The following ITIH1 variants were observed in gnomAD, a reference collection of about 807,000 sequenced individuals.
ITIH1 encodes the protein inter-alpha-trypsin inhibitor heavy chain H1.
In ITIH1, 94 loss-of-function variants were observed where a neutral mutation model predicts 104.6. That is an observed-to-expected ratio of 0.90 (90% CI 0.76 to 1.07). The LOEUF (loss-of-function observed/expected upper bound fraction) is 1.07, where lower values mean the gene tolerates loss of function less well. Among genes scored for constraint, ITIH1 ranks in the 50% least tolerant of loss-of-function variants. The probability of loss-of-function intolerance (pLI) is 0.00; values close to 1 mark genes in which losing one functional copy is unlikely to be tolerated. For missense variants in ITIH1, 1,193 were observed against 1,181.4 expected, an observed-to-expected ratio of 1.01 and a Z score of -0.14; for synonymous variants, 455 against 464.4, an observed-to-expected ratio of 0.98 and a Z score of 0.26.
Position 52,784,477 on chromosome 3 carries a change from G to C in ITIH1, c.1407G>C (p.Gln469His). The change falls in exon 11 of 22, where the codon CAG becomes CAC. Residue 469 changes from glutamine (Q) to histidine (H), a missense_variant and splice_region_variant. Gln to His is a conservative substitution (Grantham distance 24, BLOSUM62 0). Coordinates refer to ENST00000273283, the MANE Select transcript of ITIH1 (RefSeq NM_002215.4). Reference protein sequence around the residue: ...YEDHDATQQLQGFYSQVAKPL... With the variant: ...YEDHDATQQLHGFYSQVAKPL... The stretch of plus-strand genomic sequence containing the variant: ...ACCATGATGCCACCCAGCAGCTGCA[G>C]GTCTCCCCTCACAACCCCCTGTACC... 6.2e-7 allele frequency: 1 copy of C among 1,613,618 alleles called. No homozygotes were observed. The highest frequency in any genetic ancestry group is 8.5e-7 in the Non-Finnish European group (1 of 1,179,694).
chr3:52,782,071 C>A lies in ITIH1; in HGVS notation c.813+6C>A, dbSNP rs1559461937. The A allele has an allele frequency of 1.9e-6, 3 of 1,614,176 alleles. No individual in the cohort carries two copies. The highest frequency in any genetic ancestry group is 1.3e-5 in the African/African-American group (1 of 75,040). On this transcript the variant is annotated splice_donor_region_variant and intron_variant, in intron 7 of 21. Coordinates refer to ENST00000273283, the MANE Select transcript of ITIH1 (RefSeq NM_002215.4). ...ACAAGATCTGCGACCTCCTGGTGAG[C>A]CCTGAGCTTCTGGCTCAGCACCCAG...
chr3:52,782,018 T>C lies in ITIH1; in HGVS notation c.766T>C (p.Phe256Leu). Reference sequence around the variant, plus strand: ...CTCTACATCCTTACTGAACGGGCACTTCAAGGTGACCTACGATGTCAGTCG... The same window carrying C: ...CTCTACATCCTTACTGAACGGGCACCTCAAGGTGACCTACGATGTCAGTCG... ...TCSTSLLNGH[F>L]KVTYDVSRDK... is the part of the protein sequence containing the mutation. Residue 256 changes from phenylalanine (F) to leucine (L), a missense_variant, in exon 7 of 22, where the codon TTC becomes CTC. By Grantham distance (22) the Phe-to-Leu change is conservative (BLOSUM62 0). Coordinates refer to ENST00000273283, the MANE Select transcript of ITIH1 (RefSeq NM_002215.4). 4 of 1,614,064 alleles carry C rather than the reference T, an allele frequency of 2.5e-6. No homozygotes were observed. The highest frequency in any genetic ancestry group is 2.5e-6 in the Non-Finnish European group (3 of 1,180,020).
In ITIH1 at chr3:52,790,779, C is replaced by A. The variant is rs1458557063; in HGVS notation, c.2352C>A (p.Asn784Lys). The A allele has an allele frequency of 1.9e-6, 3 of 1,612,862 alleles. No homozygotes were observed. Among genetic ancestry groups the A allele is most frequent in the Non-Finnish European group, 2.5e-6 (3 of 1,179,564 alleles). Reference sequence around the variant, plus strand: ...TGGTGACCATCAACAAGAAGAGGAACCTGGTGGTGTCTGTGGACGACGGTG... The same window carrying A: ...TGGTGACCATCAACAAGAAGAGGAAACTGGTGGTGTCTGTGGACGACGGTG... ...GVVVTINKKR[N>K]LVVSVDDGGT... is the part of the protein sequence containing the mutation. The change falls in exon 20 of 22, where the codon AAC becomes AAA. Residue 784 changes from asparagine (N) to lysine (K), a missense_variant. Asn to Lys is a moderately conservative substitution (Grantham distance 94). Transcript: ENST00000273283.
At chr3:52,790,035 T>C in intron 19 of ITIH1, 181 bp downstream of exon 19, 1 of 633,010 alleles carries the variant, frequency 1.6e-6, no homozygotes, top group Non-Finnish European at 2.8e-6. Context: ...ACTGGATATG[T>C]CCTCTGGGCC....
chr3:52,788,166 C>A, intron 17 of ITIH1, 66 bp from the exon 18 acceptor site: 1 of 1,518,290 alleles, frequency 6.6e-7, no homozygotes, highest in Non-Finnish European at 9.1e-7. Context: ...CCTAGCTGAA[C>A]CCCAACCCCT....
At chr3:52,784,192 T>C (rs949879909) in intron 10 of ITIH1, 104 bp from the exon 11 acceptor site, 1 of 1,014,398 alleles carries the variant, frequency 9.9e-7, no homozygotes, top group African/African-American at 1.6e-5. Flanking sequence ...GGAGATGCTC[T>C]GAGATGGAAG....
At position 52,777,714 on chromosome 3, in the gene ITIH1, C is replaced by G; in HGVS notation, c.99C>G (p.Gly33=). ...TGCCTGCCCTGGGCTCGGCTACAGGCAGGTCCAAGAGCAGCGAGGTATATG... is the reference window on the plus strand; with the variant it reads ...TGCCTGCCCTGGGCTCGGCTACAGGGAGGTCCAAGAGCAGCGAGGTATATG... ...QAMPALGSAT[G]RSKSSEKRQA... The change falls in exon 1 of 22, where the codon GGC becomes GGG. Residue 33 remains glycine (G), a synonymous_variant. Coordinates refer to ENST00000273283, the MANE Select transcript of ITIH1 (RefSeq NM_002215.4). 6.3e-7 allele frequency: 1 copy of G among 1,593,024 alleles called. No homozygotes were observed. The highest frequency in any genetic ancestry group is 2.2e-5 in the East Asian group (1 of 44,752).
At chr3:52,780,953 C>G (rs906588103) in intron 6 of ITIH1, among the ~76,000 whole-genome samples, 1 of 152,222 alleles carries the variant, frequency 6.6e-6, no homozygotes, top group Non-Finnish European at 1.5e-5. Flanking sequence ...GAGCCAGGAA[C>G]AAATCCTTTA....
At chr3:52,791,463 G>C (rs1699353561) in intron 20 of ITIH1, 54 bp from the exon 21 acceptor site, 2 of 1,448,518 alleles carry the variant, frequency 1.4e-6, no homozygotes, top group South Asian at 1.1e-5. Flanking sequence ...GCTGAGTGCA[G>C]GGCAGGAGCA....
intron 6 of ITIH1, 126 bp from the exon 7 acceptor site, chr3:52,781,814 C>T (rs892395765): frequency 1.6e-5 from 20 of 1,248,590 alleles, no homozygotes; most frequent in African/African-American, 2.9e-5. Flanking sequence ...AGTGGCCCAC[C>T]GAACTCGTTT....
At chr3:52,790,093 A>C in intron 19 of ITIH1, 1 of 557,426 alleles carries the variant, frequency 1.8e-6, no homozygotes, top group Non-Finnish European at 3.2e-6. Flanking sequence ...TCTGAATGCC[A>C]CCCCTGTCTC....
chr3:52,780,029 AG>A, intron 5 of ITIH1: 1 of 1,313,854 alleles, frequency 7.6e-7, no homozygotes, highest in South Asian at 1.6e-5. Context: ...CCCTGTGATC[AG>A]GGCTGGGTGG....
At chr3:52,781,276 TC>T (rs1699048861) in intron 6 of ITIH1, among the ~76,000 whole-genome samples, 2 of 126,022 alleles carry the variant, frequency 1.6e-5, no homozygotes, top group Admixed American at 8.4e-5. Flanking sequence ...TTCTTCTTCT[TC>T]TTCTTCTTCC....
chr3:52,788,163 G>C, intron 17 of ITIH1, 69 bp from the exon 18 acceptor site: 1 of 1,518,712 alleles, frequency 6.6e-7, no homozygotes, highest in Non-Finnish European at 9.1e-7. Flanking sequence ...CTGCCTAGCT[G>C]AACCCCAACC....
At chr3:52,789,528 G>A (rs533841385) in intron 18 of ITIH1, 125 bp from the exon 19 acceptor site, 2 of 790,034 alleles carry the variant, frequency 2.5e-6, no homozygotes, top group Non-Finnish European at 4.2e-6. Context: ...CCCTGAGGCA[G>A]GAGACTCTCA....
chr3:52,783,466 G>A (rs1699116306), intron 10 of ITIH1, 127 bp downstream of exon 10: 3 of 989,322 alleles, frequency 3.0e-6, no homozygotes, highest in East Asian at 2.6e-5. Flanking sequence ...GCAAAATCAA[G>A]CACTGGTCTA....
At chr3:52,777,868 C>T in intron 1 of ITIH1, 129 bp from the exon 2 acceptor site, 1 of 1,395,668 alleles carries the variant, frequency 7.2e-7, no homozygotes, top group Middle Eastern at 2.1e-4. Context: ...AGGTGACCTC[C>T]CAGCACCACC....
In ITIH1 at chr3:52,791,584, A is replaced by G; in HGVS notation, c.2562A>G (p.Pro854=). The change falls in exon 21 of 22, where the codon CCA becomes CCG. Residue 854 remains proline (P), a synonymous_variant. Transcript: ENST00000273283. ...ACCCAGGCTCTGACCCCACAAAGCC[A>G]GATGCCACGATGGTGGTGAGGAACC... ...DIHPGSDPTK[P]DATMVVRNRR... is the part of the protein sequence containing the mutation. 1 of 1,614,160 alleles carries G rather than the reference A, an allele frequency of 6.2e-7. No individual in the cohort carries two copies. Among genetic ancestry groups the G allele is most frequent in the Non-Finnish European group, 8.5e-7 (1 of 1,180,032 alleles).
Position 52,787,023 on chromosome 3 carries a change from C to T in ITIH1, c.1812C>T (p.Thr604=), listed in dbSNP as rs930597640. 2 of 1,614,094 alleles carry T rather than the reference C, an allele frequency of 1.2e-6. No homozygotes were observed. Among genetic ancestry groups the T allele is most frequent in the Non-Finnish European group, 1.7e-6 (2 of 1,180,000 alleles). Residue 604 remains threonine, a synonymous_variant, in exon 14 of 22, where the codon ACC becomes ACT. Transcript: ENST00000273283. ...TGTCGCTGGACTATGGGTTTGTGAC[C>T]CCACTGACCTCCATGAGCATCAGGG... ...LQMSLDYGFV[T]PLTSMSIRGM...
Sources: gnomAD v4.1 joint callset for allele counts (sites outside exome capture counted in the v4.1 genomes callset) on GRCh38, gnomAD v4.1.1 for gene constraint, MANE v1.5 for transcripts, NCBI Gene and HGNC (gene_info 2026-07-23, HGNC 2026-07-21) for gene names.